WASF3: variants seen among roughly 807,000 people sequenced by gnomAD.
WASF3 encodes actin-binding protein WASF3.
WASF3 carries 11 observed loss-of-function variants against 46.6 expected under a neutral mutation model. The ratio of observed to expected loss-of-function variants is 0.24; its 90% confidence interval spans 0.15 to 0.39. WASF3 has a LOEUF of 0.39. Ranked by LOEUF, WASF3 falls within the 10% of genes least tolerant of loss-of-function variation. The pLI, the probability that WASF3 is intolerant of heterozygous loss-of-function variation, is 1.00. For missense variants in WASF3, 576 were observed against 669.8 expected (o/e 0.86, Z 1.55); for synonymous variants, 242 against 259.7 (o/e 0.93, Z 0.65).
At chr13:26,648,888 C>T (rs1882229926) in intron 3 of WASF3, among the ~76,000 whole-genome samples, 1 of 152,170 alleles carries the variant, frequency 6.6e-6, no homozygotes, top group Admixed American at 6.5e-5. Flanking sequence ...TTCACACTCT[C>T]ATTACCCATT....
At chr13:26,684,260 G>A (rs1883333340) in intron 9 of WASF3, among the ~76,000 whole-genome samples, 1 of 151,736 alleles carries the variant, frequency 6.6e-6, no homozygotes, top group South Asian at 2.1e-4. Flanking sequence ...ATTGTAGGAC[G>A]GTGTTGGATT....
chr13:26,575,168 T>C (rs937828545), intron 1 of WASF3, among the ~76,000 whole-genome samples: 3 of 152,068 alleles, frequency 2.0e-5, no homozygotes, highest in African/African-American at 7.2e-5. Context: ...ATCTTTTTAC[T>C]GTCTTGTATG....
intron 1 of WASF3, among the ~76,000 whole-genome samples, chr13:26,580,669 A>G (rs1191944018): frequency 6.8e-6 from 1 of 146,504 alleles, no homozygotes; most frequent in African/African-American, 2.5e-5. Flanking sequence ...CTTGTTGCTC[A>G]GACTGGAGTG....
intron 2 of WASF3, among the ~76,000 whole-genome samples, chr13:26,616,567 A>G (rs1259600027): frequency 2.0e-5 from 3 of 152,116 alleles, no homozygotes; most frequent in African/African-American, 7.2e-5. Flanking sequence ...TTTTTACCCC[A>G]GAATGAAATT....
Position 26,591,539 on chromosome 13 carries a change from T to C in WASF3, c.-108-21422T>C, listed in dbSNP as rs183336536. ...GGGTTTTTGACTTGAGCAGCTGAGA[T>C]ATGGGGTTGCCATGAACTGAGAGGG... On this transcript the variant is annotated intron_variant, in intron 1 of 9. Transcript: ENST00000335327. 7.9e-5 allele frequency among the ~76,000 whole-genome samples: 12 copies of C among 152,056 alleles called. No homozygotes were observed. In the East Asian group the frequency reaches 2.1e-3, roughly 27 times the overall value.
intron 1 of WASF3, chr13:26,577,267 C>A (rs1351288931): frequency 1.4e-6 from 1 of 739,254 alleles, no homozygotes; most frequent in Admixed American, 1.8e-5. Context: ...GATGTCAGGA[C>A]TACCGATGGT....
At chr13:26,595,405 C>CT (rs1880430739) in intron 1 of WASF3, among the ~76,000 whole-genome samples, 2 of 152,312 alleles carry the variant, frequency 1.3e-5, no homozygotes, top group African/African-American at 4.8e-5. Context: ...TCCATGTACC[C>CT]TTGCCCAGCT....
At chr13:26,620,769 A>C (rs1881281714) in intron 2 of WASF3, 1 of 152,106 alleles carries the variant, frequency 6.6e-6, no homozygotes, top group Non-Finnish European at 1.5e-5. Context: ...TCAAATCCCT[A>C]CCTTTTCAGT....
chr13:26,593,963 C>G (rs1448645705), intron 1 of WASF3, among the ~76,000 whole-genome samples: 2 of 152,152 alleles, frequency 1.3e-5, no homozygotes, highest in South Asian at 4.1e-4. Flanking sequence ...AAGGGAACAT[C>G]TTCGTGTATA....
Position 26,685,673 on chromosome 13 carries a change from G to A in WASF3, c.1352-15G>A, listed in dbSNP as rs2076990990. The A allele has an allele frequency of 6.2e-7, 1 of 1,613,194 alleles. No individual in the cohort carries two copies. The highest frequency in any genetic ancestry group is 8.5e-7 in the Non-Finnish European group (1 of 1,179,184). On this transcript the variant is annotated splice_polypyrimidine_tract_variant and intron_variant, in intron 9 of 9. Coordinates refer to ENST00000335327, the MANE Select transcript of WASF3 (RefSeq NM_006646.6). ...GCAAAAGGATGTGATTCTGAACCAC[G>A]TGTTGTGTCTGCAGGAATTCAACTG...
chr13:26,594,866 G>A (rs1277369257), intron 1 of WASF3, among the ~76,000 whole-genome samples: 1 of 152,074 alleles, frequency 6.6e-6, no homozygotes, highest in East Asian at 1.9e-4. Context: ...CTGCTCTCTG[G>A]CAGACTTCTT....
At chr13:26,567,892 G>A (rs1414184333) in intron 1 of WASF3, among the ~76,000 whole-genome samples, 1 of 152,080 alleles carries the variant, frequency 6.6e-6, no homozygotes, top group African/African-American at 2.4e-5. Context: ...TTTTTGATAA[G>A]GTGGTCAGGG....
At chr13:26,676,180 C>T (rs1350249892) in intron 6 of WASF3, among the ~76,000 whole-genome samples, 2 of 152,096 alleles carry the variant, frequency 1.3e-5, no homozygotes, top group South Asian at 2.1e-4. Context: ...TGTGTGGTGG[C>T]GGGAAATAAT....
At chr13:26,559,811 T>TCTTTCTTTC (rs545438991) in intron 1 of WASF3, among the ~76,000 whole-genome samples, 1 of 83,226 alleles carries the variant, frequency 1.2e-5, no homozygotes, top group Admixed American at 1.3e-4. Context: ...TTTCTTTCTT[T>TCTTTCTTTC]TTTTTTTTTT....
At chr13:26,652,093 T>A (rs1416803205) in intron 3 of WASF3, among the ~76,000 whole-genome samples, 1 of 152,180 alleles carries the variant, frequency 6.6e-6, no homozygotes, top group East Asian at 1.9e-4. Context: ...AATAGAAACA[T>A]TTTAAACTTC....
At chr13:26,609,273 G>C (rs1327128209) in intron 1 of WASF3, 1 of 152,114 alleles carries the variant, frequency 6.6e-6, no homozygotes, top group African/African-American at 2.4e-5. Flanking sequence ...CTTGTAAAAT[G>C]CCCTATAGTA....
At chr13:26,642,038 T>C (rs1882013934) in intron 2 of WASF3, 1 of 293,108 alleles carries the variant, frequency 3.4e-6, no homozygotes, top group East Asian at 6.4e-5. Flanking sequence ...ATATGGAATA[T>C]ATTATTTTTC....
At chr13:26,680,191 G>T in intron 7 of WASF3, 1 of 1,571,760 alleles carries the variant, frequency 6.4e-7, no homozygotes, top group Non-Finnish European at 8.6e-7. Context: ...AGAGGACAGA[G>T]TGCCCAGCGG....
At chr13:26,621,208 A>G (rs1881295935) in intron 2 of WASF3, among the ~76,000 whole-genome samples, 1 of 152,136 alleles carries the variant, frequency 6.6e-6, no homozygotes, top group South Asian at 2.1e-4. Flanking sequence ...TTGTAACTTT[A>G]TTTATATGCC....
Sources: allele counts gnomAD v4.1 joint callset (sites outside exome capture counted in the v4.1 genomes callset), GRCh38; gene constraint gnomAD v4.1.1; transcripts MANE v1.5; gene names NCBI Gene and HGNC (gene_info 2026-07-23, HGNC 2026-07-21).